Variants in MARCHF1 observed in about 807,000 individuals in gnomAD.
The protein encoded by MARCHF1 is membrane associated ring-CH-type finger 1, also known as E3 ubiquitin-protein ligase MARCHF1.
A neutral mutation model predicts 54.2 loss-of-function variants in MARCHF1; 40 were observed. The observed-to-expected ratio is 0.74, with a 90% CI of 0.57 to 0.96. The LOEUF (loss-of-function observed/expected upper bound fraction) is 0.96. Ranked by LOEUF, MARCHF1 falls within the 40% of genes least tolerant of loss-of-function variation. The pLI, the probability that MARCHF1 is intolerant of heterozygous loss-of-function variation, is 0.00. For missense variants in MARCHF1, 586 were observed against 656.5 expected, an observed-to-expected ratio of 0.89 and a Z score of 1.17; for synonymous variants, 236 against 236.3, an observed-to-expected ratio of 1.00 and a Z score of 0.01.
At chr4:163,944,809 C>T (rs1469760592) in intron 3 of MARCHF1, among the ~76,000 whole-genome samples, 1 of 152,094 alleles carries the variant, frequency 6.6e-6, no homozygotes, top group Non-Finnish European at 1.5e-5. Context: ...CCATTCAGCC[C>T]CATGTCCACA....
intron 1 of MARCHF1, among the ~76,000 whole-genome samples, chr4:164,363,811 C>T (rs1310264046): frequency 1.4e-5 from 2 of 146,988 alleles, no homozygotes; most frequent in African/African-American, 5.0e-5. Context: ...TATGGATCTA[C>T]ATCACATGCC....
chr4:164,004,285 A>C (rs1435685422), intron 2 of MARCHF1, among the ~76,000 whole-genome samples: 1 of 151,838 alleles, frequency 6.6e-6, no homozygotes, highest in Non-Finnish European at 1.5e-5. Flanking sequence ...TGTATCCCAG[A>C]ACTTAAAATA....
At chr4:163,652,980 G>A (rs1579160653) in intron 5 of MARCHF1, among the ~76,000 whole-genome samples, 1 of 151,782 alleles carries the variant, frequency 6.6e-6, no homozygotes, top group African/African-American at 2.4e-5. Context: ...ATCAAAGGGG[G>A]GAAGGTTGGA....
intron 8 of MARCHF1, among the ~76,000 whole-genome samples, chr4:163,562,609 T>G (rs1364578170): frequency 6.6e-6 from 1 of 152,044 alleles, no homozygotes; most frequent in Admixed American, 6.5e-5. Flanking sequence ...TCTTTCTCAT[T>G]GCTCTCTTCC....
At chr4:163,722,432 G>A (rs1379620871) in intron 4 of MARCHF1, among the ~76,000 whole-genome samples, 1 of 152,156 alleles carries the variant, frequency 6.6e-6, no homozygotes, top group East Asian at 1.9e-4. Flanking sequence ...CATCTGCTGA[G>A]GAGTGCTTTA....
At position 163,738,106 on chromosome 4, in the gene MARCHF1, C is replaced by T. The variant is rs529686511; in HGVS notation, c.112-37243G>A. Among the ~76,000 whole-genome samples, 20 of 152,290 alleles carry T rather than the reference C, an allele frequency of 1.3e-4. No homozygotes were observed. In the South Asian group the frequency reaches 4.1e-3, roughly 32 times the overall value. The stretch of plus-strand genomic sequence containing the variant: ...GAAATCGGCAGGCTGCCTTGTAGAT[C>T]TGGTCCTAACAAACATATTTCAGTT... On this transcript the variant is annotated intron_variant, in intron 4 of 9. Coordinates refer to ENST00000514618, the MANE Select transcript of MARCHF1 (RefSeq NM_001394959.1).
At chr4:164,161,281 G>A (rs1190431845) in intron 1 of MARCHF1, among the ~76,000 whole-genome samples, 1 of 152,026 alleles carries the variant, frequency 6.6e-6, no homozygotes, top group African/African-American at 2.4e-5. Context: ...CAGCCATGGG[G>A]TGTGCCTGCT....
intron 1 of MARCHF1, among the ~76,000 whole-genome samples, chr4:164,278,319 A>G (rs1487359728): frequency 6.6e-6 from 1 of 152,198 alleles, no homozygotes; most frequent in African/African-American, 2.4e-5. Context: ...CAAAAACAAA[A>G]GAAAAATCAC....
intron 1 of MARCHF1, among the ~76,000 whole-genome samples, chr4:164,296,031 G>A (rs1238579276): frequency 6.6e-6 from 1 of 152,040 alleles, no homozygotes; most frequent in African/African-American, 2.4e-5. Flanking sequence ...AAACAAAATA[G>A]GAGTCTCTTA....
chr4:164,054,136 A>G (rs952457841), intron 2 of MARCHF1, among the ~76,000 whole-genome samples: 31 of 151,412 alleles, frequency 2.0e-4, no homozygotes, highest in African/African-American at 6.3e-4. Context: ...ACACTTCTCA[A>G]AAGAAGACAT....
chr4:164,022,327 C>T (rs905603593), intron 2 of MARCHF1, among the ~76,000 whole-genome samples: 12 of 152,070 alleles, frequency 7.9e-5, no homozygotes, highest in African/African-American at 2.7e-4. Context: ...GCACTGCTTC[C>T]AATGAGACAG....
chr4:164,173,157 C>A (rs1730573901), intron 1 of MARCHF1, among the ~76,000 whole-genome samples: 1 of 152,122 alleles, frequency 6.6e-6, no homozygotes, highest in Non-Finnish European at 1.5e-5. Flanking sequence ...CTTTCTGGAA[C>A]CATTAAACAC....
chr4:163,679,896 G>A (rs1744046362), intron 5 of MARCHF1, among the ~76,000 whole-genome samples: 3 of 151,874 alleles, frequency 2.0e-5, no homozygotes, highest in African/African-American at 7.3e-5. Flanking sequence ...CACCGCGCCC[G>A]GCCTTTATCT....
intron 1 of MARCHF1, among the ~76,000 whole-genome samples, chr4:164,172,610 T>C (rs987514306): frequency 3.3e-5 from 5 of 152,150 alleles, no homozygotes; most frequent in Non-Finnish European, 7.4e-5. Flanking sequence ...TGTAAATAAA[T>C]ATCTTAAAGT....
intron 1 of MARCHF1, among the ~76,000 whole-genome samples, chr4:164,288,868 G>A (rs1394934086): frequency 2.0e-5 from 3 of 151,928 alleles, no homozygotes; most frequent in Non-Finnish European, 4.4e-5. Context: ...CTCTCAGCAA[G>A]GTATATACGT....
At chr4:163,923,370 T>C (rs1337145924) in intron 3 of MARCHF1, among the ~76,000 whole-genome samples, 1 of 152,140 alleles carries the variant, frequency 6.6e-6, no homozygotes. Context: ...TATTTCTTCA[T>C]TTCTCTCTAC....
rs533425525 is a variant in MARCHF1 at position 163,650,939 on chromosome 4, A to C, written c.163-37546T>G. On this transcript the variant is annotated intron_variant, in intron 5 of 9. Transcript: ENST00000514618. Reference sequence around the variant, plus strand: ...TATTAATTTGATTTTCATAATGACTAGATGAGGTGAATATGCCTATAGTCC... The same window carrying C: ...TATTAATTTGATTTTCATAATGACTCGATGAGGTGAATATGCCTATAGTCC... 1.4e-4 allele frequency among the ~76,000 whole-genome samples: 22 copies of C among 152,048 alleles called. No individual in the cohort carries two copies. The South Asian group carries it at 4.1e-3, about 29-fold the overall frequency.
chr4:164,203,191 C>A (rs1169257131), intron 1 of MARCHF1, among the ~76,000 whole-genome samples: 1 of 151,944 alleles, frequency 6.6e-6, no homozygotes, highest in Non-Finnish European at 1.5e-5. Flanking sequence ...TTGGCAGACT[C>A]AAACAGCTTA....
Position 163,812,295 on chromosome 4 carries a change from T to TAA in MARCHF1, c.111+41724_111+41725dup, listed in dbSNP as rs1224060012. Among the ~76,000 whole-genome samples the TAA allele has an allele frequency of 4.0e-5, 6 of 150,962 alleles. No individual in the cohort carries two copies. In the East Asian group the frequency reaches 5.8e-4, roughly 15 times the overall value. ...ATATCAATAACATATATTATATATA[T>TAA]AATACATCTCTTCCTATATATACAT... On this transcript the variant is annotated intron_variant, in intron 4 of 9. Transcript: ENST00000514618.
Sources: gnomAD v4.1 joint callset for allele counts (sites outside exome capture counted in the v4.1 genomes callset) on GRCh38, gnomAD v4.1.1 for gene constraint, MANE v1.5 for transcripts, NCBI Gene and HGNC (gene_info 2026-07-23, HGNC 2026-07-21) for gene names.